Variants in GPR39 observed in about 807,000 individuals in gnomAD.
GPR39 encodes zinc sensing receptor.
Under a neutral mutation model 18.4 loss-of-function variants are expected in GPR39, and 23 were observed. The ratio of observed to expected loss-of-function variants is 1.25; its 90% CI spans 0.90 to 1.77. The LOEUF (loss-of-function observed/expected upper bound fraction) is 1.77, where lower values mean the gene tolerates loss of function less well. Among genes scored for constraint, GPR39 ranks in the 40% most tolerant of loss-of-function variants. GPR39 has a pLI of 0.00. For synonymous variants in GPR39, 280 were observed against 257.9 expected (o/e 1.09, Z -0.82); for missense variants, 647 against 602.4 (o/e 1.07, Z -0.78).
At chr2:132,639,196 C>T (rs1050782432) in intron 1 of GPR39, among the ~76,000 whole-genome samples, 1 of 151,676 alleles carries the variant, frequency 6.6e-6, no homozygotes, top group Non-Finnish European at 1.5e-5. Flanking sequence ...TTAATAGGCC[C>T]CAGCCATCAA....
intron 1 of GPR39, among the ~76,000 whole-genome samples, chr2:132,553,996 G>A (rs924751858): frequency 6.6e-6 from 1 of 152,198 alleles, no homozygotes; most frequent in Non-Finnish European, 1.5e-5. Context: ...TTCCTGGAAG[G>A]CAACAGACCC....
Position 132,610,795 on chromosome 2 carries a change from AAAAG to A in GPR39, c.857-34303_857-34300del, listed in dbSNP as rs1396021907. Among the ~76,000 whole-genome samples, 670 of 151,170 alleles carry A rather than the reference AAAAG, an allele frequency of 4.4e-3. 11 individuals are homozygous for A. The highest frequency in any genetic ancestry group is 0.033 in the Admixed American group (489 of 14,798). Reference sequence around the variant, plus strand: ...CTGTCTCCAAAAAAAAAAAAAAAAAAAAAGAAGAAGAAATCTAGGATCTTTCCAC... The same window carrying A: ...CTGTCTCCAAAAAAAAAAAAAAAAAAAAGAAGAAATCTAGGATCTTTCCAC... On this transcript the variant is annotated intron_variant, in intron 1 of 1. Coordinates refer to ENST00000329321, the MANE Select transcript of GPR39 (RefSeq NM_001508.3).
At chr2:132,578,109 G>T (rs1573677902) in intron 1 of GPR39, among the ~76,000 whole-genome samples, 4 of 144,060 alleles carry the variant, frequency 2.8e-5, no homozygotes, top group East Asian at 4.2e-4. Flanking sequence ...GATTTTGTCA[G>T]TTGCTTTTTC....
intron 1 of GPR39, among the ~76,000 whole-genome samples, chr2:132,636,601 G>T (rs1681760182): frequency 6.6e-6 from 1 of 152,200 alleles, no homozygotes; most frequent in South Asian, 2.1e-4. Context: ...CCCACGTTTG[G>T]ACTCATGGGC....
chr2:132,594,523 G>A (rs1475295393), intron 1 of GPR39, among the ~76,000 whole-genome samples: 1 of 151,912 alleles, frequency 6.6e-6, no homozygotes, highest in Non-Finnish European at 1.5e-5. Flanking sequence ...CATAGTAAAT[G>A]TTCACTAAAT....
At chr2:132,449,254 T>TG (rs59757194) in intron 1 of GPR39, among the ~76,000 whole-genome samples, 76,953 of 151,702 alleles carry the variant, frequency 0.51, 21,123 homozygotes, top group Non-Finnish European at 0.62. Context: ...TTTGTTTGTT[T>TG]TGTTTTGTTT....
At chr2:132,641,931 G>T (rs1276283154) in intron 1 of GPR39, among the ~76,000 whole-genome samples, 2 of 152,188 alleles carry the variant, frequency 1.3e-5, no homozygotes, top group Admixed American at 1.3e-4. Context: ...GGATTTTGGA[G>T]TCTGGCAAAG....
At chr2:132,569,093 C>T (rs915082470) in intron 1 of GPR39, among the ~76,000 whole-genome samples, 3 of 152,114 alleles carry the variant, frequency 2.0e-5, no homozygotes, top group African/African-American at 7.3e-5. Context: ...ATTTAAAGAA[C>T]TCAGCACAGT....
At chr2:132,588,361 C>T (rs1461300305) in intron 1 of GPR39, among the ~76,000 whole-genome samples, 3 of 152,096 alleles carry the variant, frequency 2.0e-5, no homozygotes, top group Non-Finnish European at 4.4e-5. Context: ...ATAAACTATC[C>T]CAACACTTAC....
At chr2:132,525,349 G>A (rs575434219) in intron 1 of GPR39, among the ~76,000 whole-genome samples, 1 of 152,274 alleles carries the variant, frequency 6.6e-6, no homozygotes, top group Admixed American at 6.5e-5. Context: ...TTCTTTGCAG[G>A]CTTGAGAGAA....
chr2:132,555,654 C>T (rs532958314), intron 1 of GPR39, among the ~76,000 whole-genome samples: 1 of 152,270 alleles, frequency 6.6e-6, no homozygotes, highest in African/African-American at 2.4e-5. Flanking sequence ...ATTTCTGAGT[C>T]CTCTATTGGT....
intron 1 of GPR39, among the ~76,000 whole-genome samples, chr2:132,553,594 C>T (rs1172466889): frequency 6.6e-6 from 1 of 152,038 alleles, no homozygotes; most frequent in African/African-American, 2.4e-5. Flanking sequence ...CATAGAGACC[C>T]TCACAGGCTG....
intron 1 of GPR39, among the ~76,000 whole-genome samples, chr2:132,546,026 C>T (rs147706505): frequency 6.6e-6 from 1 of 152,326 alleles, no homozygotes; most frequent in Non-Finnish European, 1.5e-5. Flanking sequence ...AGGCCATCAG[C>T]ATCCATAACT....
At chr2:132,632,990 AT>A (rs1681678318) in intron 1 of GPR39, among the ~76,000 whole-genome samples, 1 of 152,140 alleles carries the variant, frequency 6.6e-6, no homozygotes, top group Non-Finnish European at 1.5e-5. Flanking sequence ...ACCCAGGTCT[AT>A]TTTGACTCCA....
chr2:132,441,107 A>AT lies in GPR39; in HGVS notation c.856+23216dup, dbSNP rs547212957. Among the ~76,000 whole-genome samples, 13 of 152,200 alleles carry AT rather than the reference A, an allele frequency of 8.5e-5. No individual in the cohort carries two copies. In the South Asian group the frequency reaches 1.2e-3, roughly 15 times the overall value. ...GACTGTTTATTTTCTTTATTCCTTG[A>AT]TTTTTTTCACAAATAAGTATAGTTA... On this transcript the variant is annotated intron_variant, in intron 1 of 1. Coordinates refer to ENST00000329321, the MANE Select transcript of GPR39 (RefSeq NM_001508.3).
intron 1 of GPR39, among the ~76,000 whole-genome samples, chr2:132,530,828 T>C (rs1468174065): frequency 6.6e-6 from 1 of 152,196 alleles, no homozygotes; most frequent in African/African-American, 2.4e-5. Flanking sequence ...CCACCAGGCC[T>C]GCCCTAAAAG....
chr2:132,492,541 C>A (rs185285979), intron 1 of GPR39, among the ~76,000 whole-genome samples: 1 of 131,496 alleles, frequency 7.6e-6, no homozygotes, highest in Admixed American at 7.9e-5. Context: ...ATATATACAC[C>A]ATATATATAC....
intron 1 of GPR39, among the ~76,000 whole-genome samples, chr2:132,567,442 A>G (rs951217171): frequency 5.3e-5 from 8 of 152,216 alleles, no homozygotes; most frequent in Non-Finnish European, 8.8e-5. Context: ...AGTCAGCACA[A>G]GCAGGGTCTG....
rs569338370 is a variant in GPR39 at position 132,576,900 on chromosome 2, G to A, written c.857-68201G>A. On this transcript the variant is annotated intron_variant, in intron 1 of 1. Transcript: ENST00000329321. ...TTTTCTCCACTTAATTGTTTGGCATGCTTATCAAAAATCGGTTGTGCATAT... is the reference window on the plus strand; with the variant it reads ...TTTTCTCCACTTAATTGTTTGGCATACTTATCAAAAATCGGTTGTGCATAT... 5.3e-5 allele frequency among the ~76,000 whole-genome samples: 8 copies of A among 152,244 alleles called. No individual in the cohort carries two copies. The South Asian group carries it at 1.7e-3, about 32-fold the overall frequency.
Sources: gnomAD v4.1 joint callset for allele counts (sites outside exome capture counted in the v4.1 genomes callset) on GRCh38, gnomAD v4.1.1 for gene constraint, MANE v1.5 for transcripts, NCBI Gene and HGNC (gene_info 2026-07-23, HGNC 2026-07-21) for gene names.